Variants in TSHZ2 observed in about 807,000 individuals in gnomAD.
TSHZ2 encodes the protein teashirt homolog 2.
In TSHZ2, 21 loss-of-function variants were observed where a neutral mutation model predicts 74.4. That is an observed-to-expected ratio of 0.28 (90% CI 0.20 to 0.41). TSHZ2 has a LOEUF of 0.41. Among genes scored for constraint, TSHZ2 ranks in the 10% least tolerant of loss-of-function variants. TSHZ2 has a pLI of 1.00. For synonymous variants in TSHZ2, 540 were observed against 515.3 expected, an observed-to-expected ratio of 1.05 and a Z score of -0.65; for missense variants, 1,244 against 1,293.5, an observed-to-expected ratio of 0.96 and a Z score of 0.59.
At chr20:53,359,512 A>G (rs1980973341) in intron 2 of TSHZ2, among the ~76,000 whole-genome samples, 1 of 152,224 alleles carries the variant, frequency 6.6e-6, no homozygotes, top group South Asian at 2.1e-4. Context: ...CTCACATTTA[A>G]CTGGGTTTGC....
intron 1 of TSHZ2, among the ~76,000 whole-genome samples, chr20:53,240,609 A>T (rs534601863): frequency 6.6e-6 from 1 of 152,152 alleles, no homozygotes; most frequent in Non-Finnish European, 1.5e-5. Flanking sequence ...GGTCAGAAAG[A>T]AAGATCTGGG....
Position 53,490,673 on chromosome 20 carries a change from A to ATAAT in TSHZ2, c.*3543_*3546dup, listed in dbSNP as rs1490698589. The ATAAT allele has an allele frequency of 1.3e-5, 2 of 152,260 alleles. No individual in the cohort carries two copies. Among genetic ancestry groups the ATAAT allele is most frequent in the African/African-American group, 4.8e-5 (2 of 41,466 alleles). 9.4% of individuals were successfully genotyped at this position (152,260 alleles called of 1,614,324 possible). ...GCCTGCTTGGTTGTTTGAATCTTGC[A>ATAAT]TAATTAATGTCACAGGCGCAAGCCG... On this transcript the variant is annotated 3_prime_UTR_variant, in exon 3 of 3. Transcript: ENST00000371497.
intron 1 of TSHZ2, among the ~76,000 whole-genome samples, chr20:52,987,981 C>A (rs1472316884): frequency 6.6e-6 from 1 of 152,144 alleles, no homozygotes; most frequent in Non-Finnish European, 1.5e-5. Flanking sequence ...TTATCTGTTT[C>A]ATATTTTTTC....
chr20:53,464,490 TTC>T (rs1253849498), intron 2 of TSHZ2, among the ~76,000 whole-genome samples: 2 of 151,798 alleles, frequency 1.3e-5, no homozygotes, highest in African/African-American at 2.4e-5. Context: ...AAGAGACAAA[TTC>T]TCTCTCATTG....
intron 1 of TSHZ2, among the ~76,000 whole-genome samples, chr20:53,087,442 C>A (rs1985732260): frequency 6.6e-6 from 1 of 152,216 alleles, no homozygotes; most frequent in South Asian, 2.1e-4. Context: ...TGTTTTAGCT[C>A]TGACAGTCGG....
At chr20:53,276,252 T>C (rs548710705) in intron 2 of TSHZ2, among the ~76,000 whole-genome samples, 2 of 152,016 alleles carry the variant, frequency 1.3e-5, no homozygotes, top group Admixed American at 1.3e-4. Context: ...TCATTTTTTT[T>C]TTTTTGGAAC....
intron 2 of TSHZ2, among the ~76,000 whole-genome samples, chr20:53,290,387 A>T (rs1991256582): frequency 6.6e-6 from 1 of 152,070 alleles, no homozygotes; most frequent in Admixed American, 6.6e-5. Context: ...TTTAAAAAGT[A>T]CTCTAAATCA....
chr20:53,394,058 C>T (rs1197508617), intron 2 of TSHZ2, among the ~76,000 whole-genome samples: 1 of 152,154 alleles, frequency 6.6e-6, no homozygotes, highest in Non-Finnish European at 1.5e-5. Context: ...AAAGAAAAGC[C>T]ATGTCACTGA....
Position 53,132,021 on chromosome 20 carries a change from C to T in TSHZ2, c.41-121478C>T, listed in dbSNP as rs537394888. 1.6e-4 allele frequency among the ~76,000 whole-genome samples: 24 copies of T among 152,112 alleles called. No homozygotes were observed. In the South Asian group the frequency reaches 4.8e-3, roughly 30 times the overall value. ...GAGAGAAGAAGGAAGAACTTGCAGG[C>T]GGTAGCCAGGAGCACCCTGGCTGGA... On this transcript the variant is annotated intron_variant, in intron 1 of 2. Transcript: ENST00000371497.
intron 1 of TSHZ2, among the ~76,000 whole-genome samples, chr20:53,193,496 G>A (rs1271093824): frequency 6.6e-6 from 1 of 151,526 alleles, no homozygotes; most frequent in South Asian, 2.1e-4. Context: ...TCTCTCTTTT[G>A]TATGTTGTCT....
chr20:53,009,612 G>A (rs1051907419), intron 1 of TSHZ2, among the ~76,000 whole-genome samples: 3 of 152,134 alleles, frequency 2.0e-5, no homozygotes, highest in African/African-American at 4.8e-5. Flanking sequence ...GATAAGTAGG[G>A]ACTACTGTAA....
At chr20:53,158,414 G>A (rs1409063683) in intron 1 of TSHZ2, among the ~76,000 whole-genome samples, 1 of 152,162 alleles carries the variant, frequency 6.6e-6, no homozygotes, top group Non-Finnish European at 1.5e-5. Flanking sequence ...GAGCAGGCAG[G>A]CAGGACAGGG....
At chr20:53,073,296 TCATCCATC>T (rs570436818) in intron 1 of TSHZ2, among the ~76,000 whole-genome samples, 1,907 of 120,382 alleles carry the variant, frequency 0.016, 43 homozygotes, top group African/African-American at 0.061. Flanking sequence ...ATCCATCCCT[TCATCCATC>T]CATCCATCCA....
chr20:53,186,160 G>A (rs1988594227), intron 1 of TSHZ2, among the ~76,000 whole-genome samples: 1 of 152,200 alleles, frequency 6.6e-6, no homozygotes, highest in African/African-American at 2.4e-5. Context: ...AGCTTGTGTT[G>A]TCCAGCTGTT....
chr20:53,341,290 A>G lies in TSHZ2; in HGVS notation c.*8+84719A>G, dbSNP rs577572864. On this transcript the variant is annotated intron_variant, in intron 2 of 2. Coordinates refer to ENST00000371497, the MANE Select transcript of TSHZ2 (RefSeq NM_173485.6). ...AGCTCACCACCAGGGAACGAATACA[A>G]CAACATTGATTGCGATGCTGAGTTG... is the stretch of plus-strand genomic sequence containing the variant. Among the ~76,000 whole-genome samples the G allele has an allele frequency of 3.3e-5, 5 of 152,284 alleles. No individual in the cohort carries two copies. The East Asian group carries it at 7.7e-4, about 24-fold the overall frequency.
intron 1 of TSHZ2, among the ~76,000 whole-genome samples, chr20:53,208,084 C>T (rs1469244368): frequency 6.6e-6 from 1 of 152,150 alleles, no homozygotes; most frequent in South Asian, 2.1e-4. Context: ...ATGCAAATAT[C>T]TTTGACCTTG....
intron 1 of TSHZ2, among the ~76,000 whole-genome samples, chr20:53,171,547 G>GT (rs34176657): frequency 1.8e-3 from 271 of 149,994 alleles, no homozygotes; most frequent in South Asian, 7.2e-3. Context: ...CCTTCTAAAT[G>GT]TTTTTTTTTT....
At chr20:53,388,038 G>A (rs1226218770) in intron 2 of TSHZ2, among the ~76,000 whole-genome samples, 1 of 144,714 alleles carries the variant, frequency 6.9e-6, no homozygotes, top group Non-Finnish European at 1.5e-5. Context: ...AATAGAGCGA[G>A]ACTCCATCTC....
At position 53,380,915 on chromosome 20, in the gene TSHZ2, C is replaced by T. The variant is rs541963324; in HGVS notation, c.*9-106229C>T. 9.2e-5 allele frequency among the ~76,000 whole-genome samples: 14 copies of T among 152,240 alleles called. No homozygotes were observed. In the South Asian group the frequency reaches 2.5e-3, roughly 27 times the overall value. ...CTCTATCCCAAAAAACTAGAAACCACGTATAAGAAAATAGATACTATAGTA... is the reference window on the plus strand; with the variant it reads ...CTCTATCCCAAAAAACTAGAAACCATGTATAAGAAAATAGATACTATAGTA... On this transcript the variant is annotated intron_variant, in intron 2 of 2. Transcript: ENST00000371497.
Sources: allele counts gnomAD v4.1 joint callset (sites outside exome capture counted in the v4.1 genomes callset), GRCh38; gene constraint gnomAD v4.1.1; transcripts MANE v1.5; gene names NCBI Gene and HGNC (gene_info 2026-07-23, HGNC 2026-07-21).